ASXL1: variants seen among roughly 807,000 people sequenced by gnomAD.
The protein encoded by ASXL1 is polycomb group protein ASXL1.
ASXL1 carries 65 observed loss-of-function variants against 89.1 expected under a neutral mutation model. The observed-to-expected ratio is 0.73, with a 90% confidence interval of 0.60 to 0.90. The LOEUF is 0.90. Among genes scored for constraint, ASXL1 ranks in the 40% least tolerant of loss-of-function variants. The pLI is 0.00. For missense variants in ASXL1, 1,786 were observed against 1,942.9 expected (o/e 0.92, Z 1.52); for synonymous variants, 739 against 746.9 (o/e 0.99, Z 0.17).
Position 32,377,245 on chromosome 20 carries a change from C to A in ASXL1, c.252+8122C>A, listed in dbSNP as rs371507014. ...AGGTGATCCACCCACCTTAGCCTCG[C>A]AAAGTGCTGGGATTACAGGCGTGAG... On this transcript the variant is annotated intron_variant, in intron 4 of 12. Transcript: ENST00000375687. Among the ~76,000 whole-genome samples, 110 of 146,918 alleles carry A rather than the reference C, an allele frequency of 7.5e-4. 1 individual carries two copies. The highest frequency in any genetic ancestry group is 2.6e-3 in the African/African-American group (105 of 40,050).
intron 4 of ASXL1, among the ~76,000 whole-genome samples, chr20:32,372,705 C>T (rs1050434055): frequency 1.3e-5 from 2 of 151,888 alleles, no homozygotes; most frequent in Non-Finnish European, 2.9e-5. Flanking sequence ...AGTGATTCTC[C>T]TGCCTCAGCC....
chr20:32,411,630 C>T (rs956039470), intron 4 of ASXL1, among the ~76,000 whole-genome samples: 2 of 151,086 alleles, frequency 1.3e-5, no homozygotes, highest in African/African-American at 4.9e-5. Flanking sequence ...CAGCCTCTGC[C>T]GCCTGGGTTC....
intron 1 of ASXL1, among the ~76,000 whole-genome samples, chr20:32,362,763 A>G (rs1427566666): frequency 6.6e-6 from 1 of 152,222 alleles, no homozygotes; most frequent in Non-Finnish European, 1.5e-5. Flanking sequence ...ATGCTGTTGA[A>G]AAATAGTCTT....
chr20:32,370,916 T>C (rs2122848271), intron 4 of ASXL1, among the ~76,000 whole-genome samples: 1 of 139,534 alleles, frequency 7.2e-6, no homozygotes, highest in Non-Finnish European at 1.5e-5. Flanking sequence ...TTTGGGAGGC[T>C]AAGGCGGGAG....
At position 32,434,329 on chromosome 20, in the gene ASXL1, G is replaced by C. The variant is rs1018676294; in HGVS notation, c.1720-103G>C. 2.6e-5 allele frequency: 36 copies of C among 1,372,974 alleles called. No homozygotes were observed. The East Asian group carries it at 7.9e-4, about 30-fold the overall frequency. 85.0% of individuals were successfully genotyped at this position (1,372,974 alleles called of 1,614,324 possible). A position where few individuals can be genotyped will look rare whatever the true frequency, so the allele number is the denominator to read the frequency against. ...TGTTTTAAGGAAATTATTTGATTCT[G>C]TATGCCATGACCCTTAAGCTACTAG... On this transcript the variant is annotated intron_variant, in intron 12 of 12. Transcript: ENST00000375687.
At position 32,435,801 on chromosome 20, in the gene ASXL1, A is replaced by G. The variant is rs758957849; in HGVS notation, c.3089A>G (p.Asp1030Gly). 2.5e-6 allele frequency: 4 copies of G among 1,614,184 alleles called. No individual in the cohort carries two copies. In the South Asian group the frequency reaches 4.4e-5, roughly 18 times the overall value. ...EAAVTKGSSV[D>G]KDEKPNWNQS... ...GCAGTGACAAAGGGATCTTCGGTGG[A>G]CAAGGATGAGAAACCCAATTGGAAC... The change falls in exon 13 of 13, where the codon GAC becomes GGC. Residue 1030 changes from aspartate to glycine, a missense_variant. Coordinates refer to ENST00000375687, the MANE Select transcript of ASXL1 (RefSeq NM_015338.6).
At chr20:32,394,089 G>A (rs994847776) in intron 4 of ASXL1, among the ~76,000 whole-genome samples, 2 of 147,616 alleles carry the variant, frequency 1.4e-5, no homozygotes, top group African/African-American at 2.5e-5. Flanking sequence ...TGCAATCTCC[G>A]CCTCCTGGGT....
At chr20:32,370,759 A>G (rs1272792606) in intron 4 of ASXL1, among the ~76,000 whole-genome samples, 4 of 152,124 alleles carry the variant, frequency 2.6e-5, no homozygotes, top group Middle Eastern at 3.4e-3. Flanking sequence ...GCTGTTTTCT[A>G]TATTTTTTTA....
chr20:32,369,976 C>G (rs151036452), intron 4 of ASXL1, among the ~76,000 whole-genome samples: 164 of 152,114 alleles, frequency 1.1e-3, no homozygotes, highest in African/African-American at 3.6e-3. Flanking sequence ...GCCTTAGCCT[C>G]CCAAAGTGCT....
At chr20:32,378,863 C>T (rs1373851177) in intron 4 of ASXL1, among the ~76,000 whole-genome samples, 1 of 151,832 alleles carries the variant, frequency 6.6e-6, no homozygotes, top group African/African-American at 2.4e-5. Context: ...CTCGGTGGCT[C>T]ATGCCTGTAA....
At chr20:32,411,031 C>CAA (rs1257482301) in intron 4 of ASXL1, among the ~76,000 whole-genome samples, 8 of 27,678 alleles carry the variant, frequency 2.9e-4, no homozygotes, top group African/African-American at 8.5e-4. Context: ...GACTCTGTCT[C>CAA]AAAAAAAAAA....
Position 32,433,402 on chromosome 20 carries a change from C to A in ASXL1, c.1204C>A (p.Arg402=), listed in dbSNP as rs2123255452. 6 of 1,614,126 alleles carry A rather than the reference C, an allele frequency of 3.7e-6. No individual in the cohort carries two copies. Among genetic ancestry groups the A allele is most frequent in the Non-Finnish European group, 4.2e-6 (5 of 1,180,024 alleles). Residue 402 remains arginine, a synonymous_variant, in exon 12 of 13, where the codon CGA becomes AGA. Transcript: ENST00000375687. ...GCGTATACAGCGTGGTCCAGCCACC[C>A]GACAGCGAGATGGGCATTTTAAGAA... is the stretch of plus-strand genomic sequence containing the variant. ...SVRIQRGPAT[R]QRDGHFKKRS...
At chr20:32,376,973 T>G (rs1033182249) in intron 4 of ASXL1, among the ~76,000 whole-genome samples, 1 of 140,932 alleles carries the variant, frequency 7.1e-6, no homozygotes, top group Non-Finnish European at 1.5e-5. Context: ...ACGTGGCTCA[T>G]GCCTGTAATC....
At chr20:32,400,486 C>T (rs1375852807) in intron 4 of ASXL1, among the ~76,000 whole-genome samples, 2 of 152,302 alleles carry the variant, frequency 1.3e-5, no homozygotes, top group Middle Eastern at 6.8e-3. Context: ...CAAGATTCTT[C>T]CCAAATCTTG....
chr20:32,419,350 G>A (rs1379702655), intron 4 of ASXL1, among the ~76,000 whole-genome samples: 2 of 151,858 alleles, frequency 1.3e-5, no homozygotes, highest in African/African-American at 4.8e-5. Flanking sequence ...CTACAGGTGC[G>A]CGTCACCATG....
intron 4 of ASXL1, among the ~76,000 whole-genome samples, chr20:32,377,153 A>C (rs1055023157): frequency 3.5e-5 from 5 of 143,818 alleles, no homozygotes; most frequent in Non-Finnish European, 4.5e-5. Flanking sequence ...TATTATACAG[A>C]TATCTATAAA....
rs1339444705 is a variant in ASXL1, at chr20:32,435,386, T to C, written c.2674T>C (p.Ser892Pro). Residue 892 changes from serine to proline, a missense_variant, in exon 13 of 13, where the codon TCT becomes CCT. Ser to Pro is a moderately conservative substitution (Grantham distance 74). Transcript: ENST00000375687. Reference protein sequence around the residue: ...QENLKTKALVSNSSLHWIPIP... With the variant: ...QENLKTKALVPNSSLHWIPIP... ...AAACTTGAAAACCAAGGCTCTCGTT[T>C]CTAACAGTTCTTTGCATTGGATACC... The C allele has an allele frequency of 2.5e-6, 4 of 1,614,074 alleles. No homozygotes were observed. The African/African-American group carries it at 5.3e-5, about 22-fold the overall frequency.
At chr20:32,382,709 C>T (rs925149239) in intron 4 of ASXL1, among the ~76,000 whole-genome samples, 1 of 151,894 alleles carries the variant, frequency 6.6e-6, no homozygotes, top group African/African-American at 2.4e-5. Flanking sequence ...TTGCTTGAGC[C>T]TGGGAAGTTG....
At chr20:32,381,705 G>A (rs907560955) in intron 4 of ASXL1, among the ~76,000 whole-genome samples, 19 of 151,404 alleles carry the variant, frequency 1.3e-4, no homozygotes, top group Non-Finnish European at 2.7e-4. Flanking sequence ...TAGTAGAGAC[G>A]GGGTTTCACC....
Sources: allele counts gnomAD v4.1 joint callset (sites outside exome capture counted in the v4.1 genomes callset), GRCh38; gene constraint gnomAD v4.1.1; transcripts MANE v1.5; gene names NCBI Gene and HGNC (gene_info 2026-07-23, HGNC 2026-07-21).